Variants in PLEKHA7 observed in about 807,000 individuals in gnomAD.
The protein encoded by PLEKHA7 is pleckstrin homology domain-containing family A member 7.
In PLEKHA7, 104 loss-of-function variants were observed where a neutral mutation model predicts 170.0. The observed-to-expected ratio is 0.61, with a 90% CI of 0.52 to 0.72. The LOEUF is 0.72. Ranked by LOEUF, PLEKHA7 falls within the 30% of genes least tolerant of loss-of-function variation. The pLI, the probability that PLEKHA7 is intolerant of heterozygous loss-of-function variation, is 0.00. For missense variants in PLEKHA7, 1,615 were observed against 1,671.7 expected (o/e 0.97, Z 0.59); for synonymous variants, 648 against 660.8 (o/e 0.98, Z 0.30).
chr11:16,890,330 T>C (rs1227154033), intron 3 of PLEKHA7, among the ~76,000 whole-genome samples: 1 of 151,868 alleles, frequency 6.6e-6, no homozygotes, highest in Non-Finnish European at 1.5e-5. Flanking sequence ...ATGGAGTAAA[T>C]ACTCCTAAAA....
intron 3 of PLEKHA7, among the ~76,000 whole-genome samples, chr11:16,939,582 G>A (rs1006261132): frequency 1.4e-4 from 21 of 152,182 alleles, no homozygotes; most frequent in Admixed American, 1.2e-3. Flanking sequence ...CAAAAATGCA[G>A]AGGTGAGACA....
chr11:16,950,804 T>C (rs1861361346), intron 3 of PLEKHA7, among the ~76,000 whole-genome samples: 2 of 152,210 alleles, frequency 1.3e-5, no homozygotes, highest in African/African-American at 4.8e-5. Context: ...TCAGATACCC[T>C]TGCCTAACTC....
intron 3 of PLEKHA7, among the ~76,000 whole-genome samples, chr11:17,002,989 CTTTT>C (rs568718448): frequency 2.7e-5 from 3 of 113,006 alleles, no homozygotes; most frequent in Admixed American, 9.7e-5. Flanking sequence ...ATAGTTGTGC[CTTTT>C]TTTTTTTTTT....
chr11:16,892,715 C>A (rs1349355595), intron 3 of PLEKHA7, among the ~76,000 whole-genome samples: 6 of 149,446 alleles, frequency 4.0e-5, no homozygotes, highest in Non-Finnish European at 8.9e-5. Flanking sequence ...ACGCAATCCA[C>A]CTGCCTCAGC....
At chr11:16,971,493 G>A (rs1286199563) in intron 3 of PLEKHA7, among the ~76,000 whole-genome samples, 1 of 152,198 alleles carries the variant, frequency 6.6e-6, no homozygotes, top group African/African-American at 2.4e-5. Flanking sequence ...ACCTTTCCAG[G>A]TTAGGTGAGT....
intron 26 of PLEKHA7, among the ~76,000 whole-genome samples, chr11:16,779,561 A>G (rs773768607): frequency 3.4e-4 from 51 of 152,170 alleles, no homozygotes; most frequent in Non-Finnish European, 5.6e-4. Context: ...CACACCCTCA[A>G]ATGTGGCCTT....
chr11:16,816,291 A>G (rs1026144645), intron 11 of PLEKHA7, 27 bp from the exon 12 acceptor site: 1 of 1,568,924 alleles, frequency 6.4e-7, no homozygotes, highest in East Asian at 2.2e-5. Context: ...AAGAAGTCAC[A>G]CTGGAGCCCA....
intron 3 of PLEKHA7, among the ~76,000 whole-genome samples, chr11:16,877,788 A>G (rs1236572211): frequency 6.6e-6 from 1 of 152,190 alleles, no homozygotes; most frequent in Non-Finnish European, 1.5e-5. Context: ...TCTGGGTTCA[A>G]ACCAGATAAG....
At chr11:16,842,618 C>T (rs1852061686) in intron 8 of PLEKHA7, 1 of 140,532 alleles carries the variant, frequency 7.1e-6, no homozygotes. Context: ...AAAAAAATCT[C>T]AAAAAAAGGT....
intron 3 of PLEKHA7, among the ~76,000 whole-genome samples, chr11:16,980,983 T>A (rs1863392750): frequency 6.6e-6 from 1 of 152,158 alleles, no homozygotes; most frequent in Non-Finnish European, 1.5e-5. Flanking sequence ...CACCAAGTAC[T>A]CAGCACATAG....
intron 3 of PLEKHA7, among the ~76,000 whole-genome samples, chr11:16,894,325 T>C (rs981652351): frequency 2.0e-5 from 3 of 152,208 alleles, no homozygotes; most frequent in Non-Finnish European, 4.4e-5. Flanking sequence ...TTCCTAATGA[T>C]GCCCATTCAG....
intron 13 of PLEKHA7, among the ~76,000 whole-genome samples, chr11:16,812,782 C>G (rs764269529): frequency 1.3e-5 from 2 of 152,188 alleles, no homozygotes; most frequent in African/African-American, 4.8e-5. Flanking sequence ...ACCAAACATA[C>G]ACCCCTGCCC....
At position 16,813,174 on chromosome 11, in the gene PLEKHA7, T is replaced by C; in HGVS notation, c.1954-8A>G. On this transcript the variant is annotated splice_region_variant and splice_polypyrimidine_tract_variant and intron_variant, in intron 12 of 26. Coordinates refer to ENST00000531066, the MANE Select transcript of PLEKHA7 (RefSeq NM_001329630.2). The stretch of plus-strand genomic sequence containing the variant: ...GAGGTAGGTATCATCAGCCTTCAAA[T>C]GAAGCAGAGAGGAAAAAACACAGTT... The C allele has an allele frequency of 1.2e-6, 2 of 1,612,548 alleles. No individual in the cohort carries two copies. The highest frequency in any genetic ancestry group is 1.7e-6 in the Non-Finnish European group (2 of 1,178,694).
chr11:17,009,220 C>G (rs1865183748), intron 3 of PLEKHA7, among the ~76,000 whole-genome samples: 1 of 152,160 alleles, frequency 6.6e-6, no homozygotes, highest in African/African-American at 2.4e-5. Flanking sequence ...AACACTTCAG[C>G]AAAATCATTG....
At chr11:16,986,854 C>T (rs1233384872) in intron 3 of PLEKHA7, among the ~76,000 whole-genome samples, 3 of 152,160 alleles carry the variant, frequency 2.0e-5, no homozygotes, top group African/African-American at 7.2e-5. Context: ...TATGATCTTC[C>T]TTGTACCAGG....
At chr11:17,012,839 A>G (rs531817686) in intron 3 of PLEKHA7, among the ~76,000 whole-genome samples, 16 of 152,230 alleles carry the variant, frequency 1.1e-4, no homozygotes, top group Non-Finnish European at 2.4e-4. Flanking sequence ...GAGGCAGGGC[A>G]ATAGAACCGC....
chr11:16,890,170 A>G (rs1856519444), intron 3 of PLEKHA7, among the ~76,000 whole-genome samples: 1 of 152,240 alleles, frequency 6.6e-6, no homozygotes, highest in Admixed American at 6.5e-5. Context: ...CATGGAAACA[A>G]AAGGGCAATA....
At chr11:16,873,326 G>A (rs1332708174) in intron 3 of PLEKHA7, among the ~76,000 whole-genome samples, 1 of 152,152 alleles carries the variant, frequency 6.6e-6, no homozygotes, top group Non-Finnish European at 1.5e-5. Flanking sequence ...GGTGTCTGGG[G>A]TAAACTGGGC....
intron 19 of PLEKHA7, among the ~76,000 whole-genome samples, chr11:16,792,457 C>A (rs1446615719): frequency 6.7e-6 from 1 of 149,922 alleles, no homozygotes; most frequent in Non-Finnish European, 1.5e-5. Flanking sequence ...AGAAAAGATG[C>A]AAGACACAAA....
Sources: allele counts gnomAD v4.1 joint callset (sites outside exome capture counted in the v4.1 genomes callset), GRCh38; gene constraint gnomAD v4.1.1; transcripts MANE v1.5; gene names NCBI Gene and HGNC (gene_info 2026-07-23, HGNC 2026-07-21).